Variants in DOCK4 observed in about 807,000 individuals in gnomAD.
DOCK4 encodes dedicator of cytokinesis protein 4.
DOCK4 carries 97 observed loss-of-function variants against 268.1 expected under a neutral mutation model. The observed-to-expected ratio is 0.36, with a 90% CI of 0.31 to 0.43. DOCK4 has a LOEUF of 0.43. Ranked by LOEUF, DOCK4 falls within the 20% of genes least tolerant of loss-of-function variation. The pLI, the probability that DOCK4 is intolerant of heterozygous loss-of-function variation, is 1.00. For synonymous variants in DOCK4, 954 were observed against 887.2 expected (o/e 1.08, Z -1.34); for missense variants, 2,145 against 2,455.7 (o/e 0.87, Z 2.67).
intron 16 of DOCK4, among the ~76,000 whole-genome samples, chr7:111,879,030 C>G (rs1349428754): frequency 6.6e-6 from 1 of 152,106 alleles, no homozygotes; most frequent in African/African-American, 2.4e-5. Context: ...AATCCCTCCC[C>G]CAACCCCAGG....
chr7:111,976,191 C>T lies in DOCK4; in HGVS notation c.701+941G>A, dbSNP rs1294581218. Among the ~76,000 whole-genome samples the T allele has an allele frequency of 2.2e-4, 14 of 64,584 alleles. 1 individual carries two copies. The highest frequency in any genetic ancestry group is 1.5e-3 in the African/African-American group (13 of 8,934). The allele number at this position is 64,584 out of a possible 152,430, so 42.4% of individuals were successfully genotyped here. On this transcript the variant is annotated intron_variant, in intron 8 of 52. Transcript: ENST00000428084. ...ATATATATATATACACACACACACA[C>T]GCACACACGCACATATGTGTGTGTG... is the stretch of plus-strand genomic sequence containing the variant.
chr7:112,110,771 G>A (rs1181348953), intron 1 of DOCK4, among the ~76,000 whole-genome samples: 1 of 152,164 alleles, frequency 6.6e-6, no homozygotes, highest in Non-Finnish European at 1.5e-5. Flanking sequence ...GACACTTCCA[G>A]TATAGACACA....
At position 111,970,328 on chromosome 7, in the gene DOCK4, G is replaced by GAA. The variant is rs557400137; in HGVS notation, c.701+6802_701+6803dup. Among the ~76,000 whole-genome samples, 44 of 149,892 alleles carry GAA rather than the reference G, an allele frequency of 2.9e-4. No individual in the cohort carries two copies. The East Asian group carries it at 5.9e-3, about 20-fold the overall frequency. On this transcript the variant is annotated intron_variant, in intron 8 of 52. Coordinates refer to ENST00000428084, the MANE Select transcript of DOCK4 (RefSeq NM_001363540.2). ...CCTTGGGCAAGTTATTAAAAAAAAA[G>GAA]AAAAAAAAACTCTCCGTGCCTCAGT... is the stretch of plus-strand genomic sequence containing the variant.
chr7:112,119,849 C>CTT lies in DOCK4; in HGVS notation c.37+86251_37+86252dup, dbSNP rs573846927. Among the ~76,000 whole-genome samples, 4 of 142,266 alleles carry CTT rather than the reference C, an allele frequency of 2.8e-5. No individual in the cohort carries two copies. The East Asian group carries it at 6.1e-4, about 22-fold the overall frequency. The allele number at this position is 142,266 out of a possible 152,430, so 93.3% of individuals were successfully genotyped here. On this transcript the variant is annotated intron_variant, in intron 1 of 52. Transcript: ENST00000428084. ...TAGTGCTCAATAAATGGGTAGATGG[C>CTT]TTTTTTTTTTTTTTCCGAGATGGAG...
intron 25 of DOCK4, among the ~76,000 whole-genome samples, chr7:111,841,775 C>T (rs1299715956): frequency 1.3e-5 from 2 of 152,102 alleles, no homozygotes; most frequent in African/African-American, 2.4e-5. Flanking sequence ...TGCCCTACCC[C>T]ACCTCCACCC....
chr7:112,153,181 C>A (rs1269236929), intron 1 of DOCK4, among the ~76,000 whole-genome samples: 1 of 152,160 alleles, frequency 6.6e-6, no homozygotes, highest in Non-Finnish European at 1.5e-5. Flanking sequence ...GATGTACTGA[C>A]TTGCTGAGTT....
At chr7:111,804,098 A>C (rs1378020667) in intron 30 of DOCK4, among the ~76,000 whole-genome samples, 1 of 152,216 alleles carries the variant, frequency 6.6e-6, no homozygotes, top group African/African-American at 2.4e-5. Flanking sequence ...CTATGTACCC[A>C]AAAGAACTGA....
Position 111,825,139 on chromosome 7 carries a change from TA to T in DOCK4, c.2836-2684del, listed in dbSNP as rs534747756. 3.2e-3 allele frequency among the ~76,000 whole-genome samples: 486 copies of T among 152,148 alleles called. 4 individuals carry two copies. Among genetic ancestry groups the T allele is most frequent in the African/African-American group, 0.011 (458 of 41,504 alleles). The stretch of plus-strand genomic sequence containing the variant: ...GAGGTCTCTTGTAGTTAGAGGAGAT[TA>T]AAAAAAATCAGTATGATCATTTAGT... On this transcript the variant is annotated intron_variant, in intron 26 of 52. Coordinates refer to ENST00000428084, the MANE Select transcript of DOCK4 (RefSeq NM_001363540.2).
intron 20 of DOCK4, among the ~76,000 whole-genome samples, 173 bp downstream of exon 20, chr7:111,871,817 T>C (rs530899681): frequency 2.0e-5 from 3 of 152,274 alleles, no homozygotes; most frequent in African/African-American, 7.2e-5. Context: ...TCAAAATAAG[T>C]TCTACCCATT....
chr7:111,867,147 G>C (rs936136873), intron 22 of DOCK4, among the ~76,000 whole-genome samples: 1 of 152,164 alleles, frequency 6.6e-6, no homozygotes, highest in Non-Finnish European at 1.5e-5. Flanking sequence ...CATTATCAGA[G>C]GGCTGGTGCA....
intron 23 of DOCK4, among the ~76,000 whole-genome samples, chr7:111,848,520 C>T (rs116814873): frequency 1.3e-5 from 2 of 152,190 alleles, no homozygotes; most frequent in East Asian, 3.8e-4. Context: ...CAGATGCATT[C>T]TCTTCTCTCC....
At chr7:112,175,399 C>T (rs12537890) in intron 1 of DOCK4, among the ~76,000 whole-genome samples, 74,166 of 151,936 alleles carry the variant, frequency 0.49, 21,211 homozygotes, top group East Asian at 0.76. Context: ...CTTATTTGCC[C>T]TGCCTTTGTA....
At chr7:111,822,888 T>C (rs973903422) in intron 26 of DOCK4, among the ~76,000 whole-genome samples, 1 of 152,214 alleles carries the variant, frequency 6.6e-6, no homozygotes, top group Non-Finnish European at 1.5e-5. Flanking sequence ...TTTAGAAAGT[T>C]ATGCTCATCA....
intron 1 of DOCK4, among the ~76,000 whole-genome samples, chr7:112,178,129 C>T (rs1457599176): frequency 6.6e-6 from 1 of 152,228 alleles, no homozygotes; most frequent in Non-Finnish European, 1.5e-5. Flanking sequence ...AAGGTTGCTC[C>T]TGGTCTCATT....
intron 1 of DOCK4, among the ~76,000 whole-genome samples, chr7:112,149,091 T>A (rs1815794377): frequency 6.6e-6 from 1 of 152,154 alleles, no homozygotes; most frequent in African/African-American, 2.4e-5. Flanking sequence ...TGTTAACACA[T>A]CTCTTTTTGG....
At chr7:111,751,492 T>G (rs1796648920) in intron 42 of DOCK4, among the ~76,000 whole-genome samples, 1 of 152,184 alleles carries the variant, frequency 6.6e-6, no homozygotes, top group Non-Finnish European at 1.5e-5. Flanking sequence ...TTGCCCAGGC[T>G]GGAGTGCAGT....
At chr7:111,732,586 C>T in intron 51 of DOCK4, 5 of 416,340 alleles carry the variant, frequency 1.2e-5, no homozygotes, top group South Asian at 1.1e-4. Flanking sequence ...CCCCAAAGTC[C>T]AGGTGCTTCT....
intron 5 of DOCK4, among the ~76,000 whole-genome samples, chr7:111,992,569 T>C (rs1799623670): frequency 6.6e-6 from 1 of 152,186 alleles, no homozygotes; most frequent in Non-Finnish European, 1.5e-5. Context: ...GGAAAGGAGT[T>C]TACTTATAGA....
chr7:111,731,077 C>T (rs1482279879), intron 52 of DOCK4, among the ~76,000 whole-genome samples: 1 of 152,150 alleles, frequency 6.6e-6, no homozygotes, highest in Admixed American at 6.5e-5. Context: ...TCTATCACAT[C>T]GAGGTGACAG....
Sources: gnomAD v4.1 joint callset for allele counts (sites outside exome capture counted in the v4.1 genomes callset) on GRCh38, gnomAD v4.1.1 for gene constraint, MANE v1.5 for transcripts, NCBI Gene and HGNC (gene_info 2026-07-23, HGNC 2026-07-21) for gene names.